Variants in OSBPL1A observed in about 807,000 individuals in gnomAD.
OSBPL1A encodes oxysterol binding protein like 1A.
Under a neutral mutation model 137.1 loss-of-function variants are expected in OSBPL1A, and 80 were observed. That is an observed-to-expected ratio of 0.58 (90% CI 0.49 to 0.70). The LOEUF (loss-of-function observed/expected upper bound fraction) is 0.70, where lower values mean the gene tolerates loss of function less well. Among genes scored for constraint, OSBPL1A ranks in the 30% least tolerant of loss-of-function variants. The pLI is 0.00. For missense variants in OSBPL1A, 970 were observed against 1,129.4 expected (o/e 0.86, Z 2.02); for synonymous variants, 365 against 389.7 (o/e 0.94, Z 0.75).
At chr18:24,165,267 T>C in intron 26 of OSBPL1A, 112 bp from the exon 27 acceptor site, 2 of 954,402 alleles carry the variant, frequency 2.1e-6, no homozygotes, top group Non-Finnish European at 3.2e-6. Flanking sequence ...TATCTCCCTT[T>C]TATTAGAACA....
chr18:24,163,345 ACTAGTTTGCAGTATTATT>A (rs2086064319), intron 27 of OSBPL1A, 64 bp from the exon 28 acceptor site: 1 of 1,215,884 alleles, frequency 8.2e-7, no homozygotes, highest in East Asian at 2.4e-5. Flanking sequence ...CTGTTTCTTC[ACTAGTTTGCAGTATTATT>A]CTATTGCAGC....
At position 24,393,847 on chromosome 18, in the gene OSBPL1A, C is replaced by G. The variant is rs1473114398; in HGVS notation, c.-3+3808G>C. 2.0e-5 allele frequency among the ~76,000 whole-genome samples: 3 copies of G among 152,172 alleles called. 1 individual carries two copies. Among genetic ancestry groups the G allele is most frequent in the Admixed American group, 2.0e-4 (3 of 15,266 alleles). Reference sequence around the variant, plus strand: ...TGTGTAAGCACTGAGGAATTTGAATCTGAATTATGTTTTGAGTGCCTCATT... The same window carrying G: ...TGTGTAAGCACTGAGGAATTTGAATGTGAATTATGTTTTGAGTGCCTCATT... On this transcript the variant is annotated intron_variant, in intron 1 of 27. Coordinates refer to ENST00000319481, the MANE Select transcript of OSBPL1A (RefSeq NM_080597.4).
chr18:24,390,469 A>G (rs1907254700), intron 1 of OSBPL1A, among the ~76,000 whole-genome samples: 1 of 152,152 alleles, frequency 6.6e-6, no homozygotes, highest in South Asian at 2.1e-4. Flanking sequence ...AAGGCAGGCG[A>G]TCACTTGAGG....
intron 17 of OSBPL1A, among the ~76,000 whole-genome samples, chr18:24,203,345 A>T (rs1423794113): frequency 6.6e-6 from 1 of 152,032 alleles, no homozygotes; most frequent in African/African-American, 2.4e-5. Flanking sequence ...CTCCTCCTGC[A>T]CTCTCCAATA....
chr18:24,203,494 C>T (rs2087278468), intron 17 of OSBPL1A, among the ~76,000 whole-genome samples: 1 of 152,216 alleles, frequency 6.6e-6, no homozygotes, highest in Non-Finnish European at 1.5e-5. Flanking sequence ...GGACACTCCC[C>T]TTCACATCGA....
In OSBPL1A at chr18:24,317,372, A is replaced by G. The variant is rs2090755630; in HGVS notation, c.761T>C (p.Phe254Ser). 2 of 1,613,858 alleles carry G rather than the reference A, an allele frequency of 1.2e-6. No individual in the cohort carries two copies. The highest frequency in any genetic ancestry group is 1.7e-6 in the Non-Finnish European group (2 of 1,179,848). Residue 254 changes from phenylalanine (F) to serine (S), a missense_variant, in exon 10 of 28, where the codon TTC becomes TCC. Phe to Ser is a radical substitution (Grantham distance 155). Transcript: ENST00000319481. ...KSSRFFGWRLFWVVLEHGVLS... is the reference protein window; with the variant it reads ...KSSRFFGWRLSWVVLEHGVLS... ...GACTCCATGCTCTAACACTACCCAG[A>G]ATAATCTCCAGCCAAAAAATCTTGA... is the stretch of plus-strand genomic sequence containing the variant.
At chr18:24,245,707 T>A (rs1356382185) in intron 15 of OSBPL1A, among the ~76,000 whole-genome samples, 3 of 152,192 alleles carry the variant, frequency 2.0e-5, no homozygotes, top group Non-Finnish European at 2.9e-5. Flanking sequence ...TGGACATGTG[T>A]CTTCATTATA....
Position 24,231,358 on chromosome 18 carries a change from T to A in OSBPL1A, c.1445-6160A>T, listed in dbSNP as rs568225369. 2.0e-5 allele frequency among the ~76,000 whole-genome samples: 3 copies of A among 152,172 alleles called. No individual in the cohort carries two copies. In the South Asian group the frequency reaches 6.2e-4, roughly 31 times the overall value. On this transcript the variant is annotated intron_variant, in intron 16 of 27. Coordinates refer to ENST00000319481, the MANE Select transcript of OSBPL1A (RefSeq NM_080597.4). ...CCCAGTCTGGAGTGCAGTGGCGTGA[T>A]CTCAGTTCACTGCAACCTCCGCCTC...
At chr18:24,380,162 AG>A (rs1906478725) in intron 1 of OSBPL1A, among the ~76,000 whole-genome samples, 1 of 152,220 alleles carries the variant, frequency 6.6e-6, no homozygotes, top group Non-Finnish European at 1.5e-5. Flanking sequence ...AATCAAAAGT[AG>A]GAGTAGAATA....
chr18:24,182,078 AAT>A (rs2086621514), intron 18 of OSBPL1A, among the ~76,000 whole-genome samples: 1 of 4,572 alleles, frequency 2.2e-4, no homozygotes, highest in Non-Finnish European at 9.4e-4. Flanking sequence ...TTGAAATGAC[AAT>A]GAAATGAAAT....
chr18:24,262,268 C>T (rs2089460937), intron 15 of OSBPL1A, among the ~76,000 whole-genome samples: 1 of 152,128 alleles, frequency 6.6e-6, no homozygotes, highest in Admixed American at 6.5e-5. Context: ...TATGGGAGCC[C>T]AATCTGAGAA....
chr18:24,184,059 G>T (rs1462372805), intron 18 of OSBPL1A, among the ~76,000 whole-genome samples: 1 of 152,188 alleles, frequency 6.6e-6, no homozygotes, highest in African/African-American at 2.4e-5. Context: ...AATGCTATAT[G>T]TGTGCTTGTT....
At chr18:24,257,516 T>G (rs1337055511) in intron 15 of OSBPL1A, among the ~76,000 whole-genome samples, 2 of 152,122 alleles carry the variant, frequency 1.3e-5, no homozygotes. Flanking sequence ...GACCTCAGAC[T>G]ATGAAACTAC....
chr18:24,214,066 C>T (rs1338162905), intron 17 of OSBPL1A, among the ~76,000 whole-genome samples: 3 of 152,134 alleles, frequency 2.0e-5, no homozygotes, highest in Admixed American at 6.6e-5. Flanking sequence ...CAGCACAGTC[C>T]TGGGGAAGGA....
intron 16 of OSBPL1A, among the ~76,000 whole-genome samples, chr18:24,229,109 G>T (rs2088186244): frequency 6.6e-6 from 1 of 152,136 alleles, no homozygotes; most frequent in Admixed American, 6.5e-5. Flanking sequence ...GCTGAGGCAG[G>T]AAGAACTGCT....
chr18:24,330,476 G>A (rs938014566), intron 7 of OSBPL1A, among the ~76,000 whole-genome samples: 5 of 151,720 alleles, frequency 3.3e-5, no homozygotes, highest in Admixed American at 1.3e-4. Context: ...AAAGTATTTA[G>A]AGATAAAACT....
At chr18:24,328,469 T>C (rs1289558602) in intron 7 of OSBPL1A, among the ~76,000 whole-genome samples, 3 of 152,128 alleles carry the variant, frequency 2.0e-5, no homozygotes, top group Non-Finnish European at 4.4e-5. Flanking sequence ...TTACATGGGT[T>C]GATTTCTGAA....
intron 17 of OSBPL1A, among the ~76,000 whole-genome samples, chr18:24,197,127 C>G (rs1318101448): frequency 1.3e-5 from 2 of 152,160 alleles, no homozygotes; most frequent in African/African-American, 4.8e-5. Context: ...GTGGGCAGAT[C>G]ACTGGAGCTC....
intron 15 of OSBPL1A, among the ~76,000 whole-genome samples, chr18:24,270,081 T>A (rs935315456): frequency 6.6e-6 from 1 of 152,216 alleles, no homozygotes; most frequent in African/African-American, 2.4e-5. Flanking sequence ...TTGAATAATG[T>A]GGACTGAATA....
Sources: allele counts gnomAD v4.1 joint callset (sites outside exome capture counted in the v4.1 genomes callset), GRCh38; gene constraint gnomAD v4.1.1; transcripts MANE v1.5; gene names NCBI Gene and HGNC (gene_info 2026-07-23, HGNC 2026-07-21).